Variants in CLTA observed in about 807,000 individuals in gnomAD.
CLTA encodes clathrin light chain A.
In CLTA, 9 loss-of-function variants were observed where a neutral mutation model predicts 26.9. The observed-to-expected ratio is 0.33, with a 90% CI of 0.20 to 0.58. CLTA has a LOEUF of 0.58. Among genes scored for constraint, CLTA ranks in the 20% least tolerant of loss-of-function variants. CLTA has a pLI of 0.85. For synonymous variants in CLTA, 120 were observed against 115.5 expected (o/e 1.04, Z -0.25); for missense variants, 278 against 294.2 (o/e 0.94, Z 0.40).
intron 2 of CLTA, among the ~76,000 whole-genome samples, chr9:36,197,830 A>G (rs917672469): frequency 1.3e-5 from 2 of 152,360 alleles, no homozygotes. Flanking sequence ...AGAAATCACC[A>G]TTCAAATGAT....
rs1228511009 is a variant in CLTA at position 36,211,655 on chromosome 9, G to C, written c.538G>C (p.Glu180Gln). ...CATTGACGAGTCGTCCCCAGGCACT[G>C]AGTGGGAACGGGTGGCCCGGCTGTG... Reference protein sequence around the residue: ...NDIDESSPGTEWERVARLCDF... With the variant: ...NDIDESSPGTQWERVARLCDF... Residue 180 changes from glutamate to glutamine, a missense_variant, in exon 5 of 5, where the codon GAG becomes CAG. By Grantham distance (29) the Glu-to-Gln change is conservative. Coordinates refer to ENST00000345519, the MANE Select transcript of CLTA (RefSeq NM_001833.4). 6.2e-7 allele frequency: 1 copy of C among 1,614,134 alleles called. No homozygotes were observed. Among genetic ancestry groups the C allele is most frequent in the Non-Finnish European group, 8.5e-7 (1 of 1,179,968 alleles).
In CLTA at chr9:36,204,088, G is replaced by A; in HGVS notation, c.394G>A (p.Glu132Lys). 6.2e-7 allele frequency: 1 copy of A among 1,614,122 alleles called. No homozygotes were observed. The highest frequency in any genetic ancestry group is 1.1e-5 in the South Asian group (1 of 91,078). The part of the protein sequence containing the change: ...EALDANSRKQ[E>K]AEWKEKAIKE... ...CAAAGATGCCAATTCTCGGAAGCAA[G>A]AAGCAGAGTGGAAAGAAAAGGCAAT... Residue 132 changes from glutamate to lysine, a missense_variant, in exon 4 of 5, where the codon GAA becomes AAA. Physicochemically the swap from Glu to Lys is moderately conservative, Grantham distance 56. Transcript: ENST00000345519.
chr9:36,195,798 C>G (rs2055565067), intron 1 of CLTA, among the ~76,000 whole-genome samples: 1 of 151,608 alleles, frequency 6.6e-6, no homozygotes, highest in African/African-American at 2.4e-5. Context: ...GAAACCTCGT[C>G]TCTACTAAAA....
intron 4 of CLTA, chr9:36,209,116 T>C: frequency 1.1e-6 from 1 of 873,348 alleles, no homozygotes; most frequent in Non-Finnish European, 1.8e-6. Flanking sequence ...TCTCCAGCGC[T>C]GGAAGCCTCA....
chr9:36,195,840 T>C (rs976448393), intron 1 of CLTA, among the ~76,000 whole-genome samples: 1 of 152,032 alleles, frequency 6.6e-6, no homozygotes. Context: ...TGGTGGCACG[T>C]GCCTGTAATC....
At chr9:36,199,126 T>C in intron 3 of CLTA, 30 bp downstream of exon 3, 1 of 1,397,108 alleles carries the variant, frequency 7.2e-7, no homozygotes, top group Non-Finnish European at 1.0e-6. Context: ...TTTTGGTGTC[T>C]GTTTTCAGTG....
At chr9:36,196,342 C>CTTTTTTTTTTTTTTTTTTT (rs372357204) in intron 1 of CLTA, among the ~76,000 whole-genome samples, 1 of 135,146 alleles carries the variant, frequency 7.4e-6, no homozygotes. Flanking sequence ...TTTCTTTTTT[C>CTTTTTTTTTTTTTTTTTTT]TTTTTTTTTT....
rs192843693 is a variant in CLTA, at chr9:36,191,357, T to G, written c.217+84T>G. ...GGTCCGAGAGCTTCTGTGTGACTCG[T>G]GCTCCTTGCTGAATTAGGAGGTTAG... On this transcript the variant is annotated intron_variant, in intron 1 of 4. Coordinates refer to ENST00000345519, the MANE Select transcript of CLTA (RefSeq NM_001833.4). 1.4e-4 allele frequency: 193 copies of G among 1,383,004 alleles called. 4 individuals are homozygous for G. The African/African-American group carries it at 1.7e-3, about 12-fold the overall frequency. The allele number at this position is 1,383,004 out of a possible 1,614,324, so 85.7% of individuals were successfully genotyped here.
intron 4 of CLTA, among the ~76,000 whole-genome samples, chr9:36,206,020 A>G (rs372303222): frequency 1.3e-5 from 2 of 152,112 alleles, no homozygotes; most frequent in African/African-American, 4.8e-5. Context: ...TTGGCCTCCC[A>G]AAGTGCTGGG....
In CLTA at chr9:36,191,273, G is replaced by C; in HGVS notation, c.217G>C (p.Asp73His). The stretch of plus-strand genomic sequence containing the variant: ...GCACGGCGAGCCGCCGGGGGGTCCG[G>C]GTGAGAGTGCGGGCGCGTTTGGGGC... Reference protein sequence around the residue: ...QPHGEPPGGPDAVDGVMNGEY... With the variant: ...QPHGEPPGGPHAVDGVMNGEY... The change falls in exon 1 of 5, where the codon GAT becomes CAT. Residue 73 changes from aspartate (D) to histidine (H), a missense_variant and splice_region_variant. Physicochemically the swap from Asp to His is moderately conservative, Grantham distance 81. Transcript: ENST00000345519. 1 of 1,517,852 alleles carries C rather than the reference G, an allele frequency of 6.6e-7. No homozygotes were observed. Among genetic ancestry groups the C allele is most frequent in the Non-Finnish European group, 8.8e-7 (1 of 1,138,902 alleles). The allele number at this position is 1,517,852 out of a possible 1,614,324, so 94.0% of individuals were successfully genotyped here. A position where few individuals can be genotyped will look rare whatever the true frequency, so the allele number is the denominator to read the frequency against.
chr9:36,209,289 A>G, intron 4 of CLTA: 1 of 1,614,116 alleles, frequency 6.2e-7, no homozygotes. Context: ...AGCTTTCTAC[A>G]AACAACCCTT....
intron 3 of CLTA, among the ~76,000 whole-genome samples, chr9:36,202,041 A>T: frequency 6.6e-6 from 1 of 152,112 alleles, no homozygotes; most frequent in Admixed American, 6.5e-5. Context: ...AGCCTGGGAG[A>T]TTGAGGCTGC....
At chr9:36,210,598 GT>G (rs1827985026) in intron 4 of CLTA, 1 of 1,613,862 alleles carries the variant, frequency 6.2e-7, no homozygotes, top group South Asian at 1.1e-5. Context: ...AGTTTCTCTC[GT>G]TTCTTTTCTT....
rs753297379 is a variant in CLTA at position 36,211,824 on chromosome 9, G to A, written c.*50G>A. The A allele has an allele frequency of 2.1e-5, 30 of 1,449,500 alleles. No homozygotes were observed. Among genetic ancestry groups the A allele is most frequent in the Non-Finnish European group, 2.8e-5 (29 of 1,047,742 alleles). The allele number at this position is 1,449,500 out of a possible 1,614,324, so 89.8% of individuals were successfully genotyped here. A position where few individuals can be genotyped will look rare whatever the true frequency, so the allele number is the denominator to read the frequency against. On this transcript the variant is annotated 3_prime_UTR_variant, in exon 5 of 5. Coordinates refer to ENST00000345519, the MANE Select transcript of CLTA (RefSeq NM_001833.4). ...ATCTGCAATATCTTAATCCTACTCA[G>A]TGAAGCTCTTCACAGTCATTGGATT...
intron 4 of CLTA, among the ~76,000 whole-genome samples, chr9:36,210,025 T>G (rs539379071): frequency 1.3e-5 from 2 of 152,212 alleles, no homozygotes; most frequent in Admixed American, 1.3e-4. Context: ...CCACTTGGGC[T>G]TCTCCCCCTG....
chr9:36,199,134 G>T (rs777910203), intron 3 of CLTA, 38 bp downstream of exon 3: 4 of 1,313,392 alleles, frequency 3.0e-6, no homozygotes, highest in Admixed American at 3.4e-5. Context: ...TCTGTTTTCA[G>T]TGGAGTAGTT....
chr9:36,202,338 C>T (rs756496553), intron 3 of CLTA, among the ~76,000 whole-genome samples: 44 of 152,186 alleles, frequency 2.9e-4, no homozygotes, highest in Non-Finnish European at 6.2e-4. Flanking sequence ...TGCAAAGGCC[C>T]TAAAAATGCC....
At chr9:36,205,078 G>A (rs766308915) in intron 4 of CLTA, among the ~76,000 whole-genome samples, 9 of 152,234 alleles carry the variant, frequency 5.9e-5, no homozygotes, top group Non-Finnish European at 8.8e-5. Flanking sequence ...CAGAGATGTG[G>A]CAGGAGAGAG....
chr9:36,210,279 G>A (rs1239487411), intron 4 of CLTA, among the ~76,000 whole-genome samples: 6 of 152,162 alleles, frequency 3.9e-5, no homozygotes, highest in Non-Finnish European at 7.4e-5. Context: ...GGTCTGTAGA[G>A]CCTCTCAGGG....
Sources: gnomAD v4.1 joint callset for allele counts (sites outside exome capture counted in the v4.1 genomes callset) on GRCh38, gnomAD v4.1.1 for gene constraint, MANE v1.5 for transcripts, NCBI Gene and HGNC (gene_info 2026-07-23, HGNC 2026-07-21) for gene names.